ZNF366: variants seen among roughly 807,000 people sequenced by gnomAD.
ZNF366 encodes the protein zinc finger protein 366, also known as dendritic cell-specific transcript protein.
Under a neutral mutation model 47.2 loss-of-function variants are expected in ZNF366, and 20 were observed. That is an observed-to-expected ratio of 0.42 (90% CI 0.30 to 0.62). ZNF366 has a LOEUF of 0.62. Ranked by LOEUF, ZNF366 falls within the 20% of genes least tolerant of loss-of-function variation. The pLI, the probability that ZNF366 is intolerant of heterozygous loss-of-function variation, is 0.16. For synonymous variants in ZNF366, 421 were observed against 395.1 expected, an observed-to-expected ratio of 1.07 and a Z score of -0.78; for missense variants, 987 against 976.3, an observed-to-expected ratio of 1.01 and a Z score of -0.15.
intron 1 of ZNF366, among the ~76,000 whole-genome samples, chr5:72,489,670 T>A (rs867526856): frequency 6.6e-6 from 1 of 152,230 alleles, no homozygotes; most frequent in Non-Finnish European, 1.5e-5. Context: ...AGAATGAGAA[T>A]GAACTTTGTT....
At chr5:72,451,720 G>A (rs1295403558) in intron 3 of ZNF366, among the ~76,000 whole-genome samples, 1 of 152,226 alleles carries the variant, frequency 6.6e-6, no homozygotes, top group Non-Finnish European at 1.5e-5. Flanking sequence ...GCTACTTGGA[G>A]TGTAGTAGAA....
intron 1 of ZNF366, among the ~76,000 whole-genome samples, chr5:72,474,711 T>A (rs1466280616): frequency 6.6e-6 from 1 of 151,930 alleles, no homozygotes; most frequent in Non-Finnish European, 1.5e-5. Context: ...TAATCCAAGT[T>A]GCTTATTCTT....
chr5:72,472,826 G>C (rs1258051511), intron 1 of ZNF366, among the ~76,000 whole-genome samples: 1 of 152,140 alleles, frequency 6.6e-6, no homozygotes, highest in Non-Finnish European at 1.5e-5. Flanking sequence ...CTTAAAAGCT[G>C]CTTTCAGGGT....
Position 72,460,321 on chromosome 5 carries a change from C to G in ZNF366, c.1176G>C (p.Gln392His), listed in dbSNP as rs776628558. Residue 392 changes from glutamine to histidine, a missense_variant, in exon 2 of 5, where the codon CAG becomes CAC. Physicochemically the swap from Gln to His is conservative, Grantham distance 24 (BLOSUM62 0). Coordinates refer to ENST00000318442, the MANE Select transcript of ZNF366 (RefSeq NM_152625.3). ...RHLTTHRGPI[Q>H]YNCSECDKTF... ...TCTTGTCGCACTCGGAGCAGTTGTA[C>G]TGGATGGGGCCCCGGTGCGTGGTGA... 3 of 1,614,254 alleles carry G rather than the reference C, an allele frequency of 1.9e-6. No individual in the cohort carries two copies. The Admixed American group carries it at 5.0e-5, about 27-fold the overall frequency.
At chr5:72,473,719 AC>A (rs1321168153) in intron 1 of ZNF366, among the ~76,000 whole-genome samples, 24 of 152,170 alleles carry the variant, frequency 1.6e-4, no homozygotes, top group African/African-American at 5.3e-4. Context: ...ATGACATTAA[AC>A]CCACTGATCC....
rs146180987 is a variant in ZNF366, at chr5:72,445,532, C to T, written c.1700-1241G>A. 3.4e-3 allele frequency among the ~76,000 whole-genome samples: 523 copies of T among 152,236 alleles called. 4 individuals carry two copies. Among genetic ancestry groups the T allele is most frequent in the African/African-American group, 0.011 (441 of 41,546 alleles). On this transcript the variant is annotated intron_variant, in intron 4 of 4. Coordinates refer to ENST00000318442, the MANE Select transcript of ZNF366 (RefSeq NM_152625.3). ...CTAGAGTGAAAAATAAAAGCTAATACCCTTTGTAGATGAAAACACTGAGAT... is the reference window on the plus strand; with the variant it reads ...CTAGAGTGAAAAATAAAAGCTAATATCCTTTGTAGATGAAAACACTGAGAT...
At chr5:72,489,418 A>G (rs949945570) in intron 1 of ZNF366, among the ~76,000 whole-genome samples, 8 of 152,022 alleles carry the variant, frequency 5.3e-5, no homozygotes, top group Middle Eastern at 3.4e-3. Context: ...AAGCCGGGAG[A>G]TTTAGGGGTT....
In ZNF366 at chr5:72,443,922, T is replaced by G; in HGVS notation, c.2069A>C (p.Glu690Ala). The part of the protein sequence containing the change: ...KGDLGAEGGQ[E>A]RDCAGRDECL... ...CTCATCTCTGCCGGCACAGTCTCTC[T>G]CCTGGCCGCCCTCTGCCCCAAGGTC... The change falls in exon 5 of 5, where the codon GAG becomes GCG. Residue 690 changes from glutamate to alanine, a missense_variant. This residue lies in a region of ZNF366 where 285 missense variants were observed against 234.8 expected (regional missense o/e 1.21). Coordinates refer to ENST00000318442, the MANE Select transcript of ZNF366 (RefSeq NM_152625.3). The G allele has an allele frequency of 6.2e-7, 1 of 1,614,220 alleles. No homozygotes were observed. The highest frequency in any genetic ancestry group is 8.5e-7 in the Non-Finnish European group (1 of 1,180,028).
intron 3 of ZNF366, among the ~76,000 whole-genome samples, chr5:72,447,726 G>A (rs1580230434): frequency 6.6e-6 from 1 of 152,204 alleles, no homozygotes; most frequent in Non-Finnish European, 1.5e-5. Context: ...GTGGCTACAA[G>A]TGTTCCTCCT....
In ZNF366 at chr5:72,442,616, C is replaced by T. The variant is rs918467544; in HGVS notation, c.*1140G>A. The T allele has an allele frequency of 1.3e-5, 2 of 152,184 alleles. No homozygotes were observed. The highest frequency in any genetic ancestry group is 4.8e-5 in the African/African-American group (2 of 41,346). 9.4% of individuals were successfully genotyped at this position (152,184 alleles called of 1,614,324 possible). ...AGCTCTAGCTCTGAGGAGAAAGCCC[C>T]CTGGTCACTGGTGACAAGTCTTCCT... On this transcript the variant is annotated 3_prime_UTR_variant, in exon 5 of 5. Transcript: ENST00000318442.
chr5:72,450,965 G>A (rs1743057171), intron 3 of ZNF366, among the ~76,000 whole-genome samples: 1 of 152,222 alleles, frequency 6.6e-6, no homozygotes, highest in East Asian at 1.9e-4. Flanking sequence ...CTAGGGGATG[G>A]GAGTTAGACG....
intron 3 of ZNF366, 29 bp from the exon 4 acceptor site, chr5:72,447,446 T>G: frequency 6.2e-7 from 1 of 1,611,798 alleles, no homozygotes; most frequent in Non-Finnish European, 8.5e-7. Context: ...AGAACACAGG[T>G]TACTCTGCCC....
chr5:72,473,879 A>G (rs1410611282), intron 1 of ZNF366, among the ~76,000 whole-genome samples: 4 of 152,198 alleles, frequency 2.6e-5, no homozygotes, highest in African/African-American at 9.7e-5. Context: ...CACCATGAAG[A>G]TACTCAGTAG....
At chr5:72,447,730 TCCTC>T (rs1742988985) in intron 3 of ZNF366, among the ~76,000 whole-genome samples, 1 of 152,230 alleles carries the variant, frequency 6.6e-6, no homozygotes, top group Admixed American at 6.5e-5. Context: ...CTACAAGTGT[TCCTC>T]CTTTAATAAT....
chr5:72,494,571 A>G (rs930942839), intron 1 of ZNF366, among the ~76,000 whole-genome samples: 80 of 151,804 alleles, frequency 5.3e-4, no homozygotes, highest in Non-Finnish European at 2.9e-5. Flanking sequence ...TTATACACAC[A>G]GGGGAAATTC....
At chr5:72,469,311 A>G (rs528541313) in intron 1 of ZNF366, among the ~76,000 whole-genome samples, 19 of 152,352 alleles carry the variant, frequency 1.2e-4, no homozygotes, top group Non-Finnish European at 2.2e-4. Context: ...GTCAAAATTT[A>G]AAGAACCGAA....
chr5:72,501,914 A>T (rs1744217744), intron 1 of ZNF366, among the ~76,000 whole-genome samples: 1 of 152,200 alleles, frequency 6.6e-6, no homozygotes, highest in African/African-American at 2.4e-5. Flanking sequence ...ATTTTAATAC[A>T]CATGTAGCAG....
At chr5:72,465,130 C>G (rs1452323105) in intron 1 of ZNF366, among the ~76,000 whole-genome samples, 1 of 152,126 alleles carries the variant, frequency 6.6e-6, no homozygotes, top group Non-Finnish European at 1.5e-5. Context: ...AAACAGCAGT[C>G]CCTTTCTGAA....
At chr5:72,474,293 G>T (rs1370378091) in intron 1 of ZNF366, among the ~76,000 whole-genome samples, 1 of 152,186 alleles carries the variant, frequency 6.6e-6, no homozygotes, top group Non-Finnish European at 1.5e-5. Context: ...CCTGCACGGA[G>T]CTGGGGCAGC....
Sources: gnomAD v4.1 joint callset for allele counts (sites outside exome capture counted in the v4.1 genomes callset) on GRCh38, gnomAD v4.1.1 for gene constraint, gnomAD v4.1.1 regional missense constraint, MANE v1.5 for transcripts, NCBI Gene and HGNC (gene_info 2026-07-23, HGNC 2026-07-21) for gene names.